The following CSF3 variants were observed in gnomAD, a reference collection of about 807,000 sequenced individuals.
CSF3 encodes the protein granulocyte colony-stimulating factor.
A neutral mutation model predicts 20.2 loss-of-function variants in CSF3; 17 were observed. The ratio of observed to expected loss-of-function variants is 0.84; its 90% CI spans 0.58 to 1.26. The LOEUF (loss-of-function observed/expected upper bound fraction) is 1.26, where lower values mean the gene tolerates loss of function less well. Among genes scored for constraint, CSF3 ranks in the 50% most tolerant of loss-of-function variants. The pLI is 0.00. For synonymous variants in CSF3, 125 were observed against 115.3 expected (o/e 1.08, Z -0.54); for missense variants, 210 against 256.0 (o/e 0.82, Z 1.23).
chr17:40,016,146 G>T, intron 2 of CSF3, 87 bp from the exon 3 acceptor site: 1 of 1,065,182 alleles, frequency 9.4e-7, no homozygotes, highest in African/African-American at 1.6e-5. Context: ...CATGGAGGGA[G>T]GGGAAAGACC....
rs572151267 is a variant in CSF3, at chr17:40,015,544, C to A, written c.40+30C>A. ...GTGTCTTGGCCCAGGATGGGAGAGC[C>A]GCCTGCCCTGGCATGGGAGGGAGGC... On this transcript the variant is annotated intron_variant, in intron 1 of 4. Coordinates refer to ENST00000394149, the MANE Select transcript of CSF3 (RefSeq NM_172219.3). 1.4e-4 allele frequency: 210 copies of A among 1,550,718 alleles called. No homozygotes were observed. In the South Asian group the frequency reaches 2.4e-3, roughly 18 times the overall value.
rs1310508252 is a variant in CSF3 at position 40,015,762 on chromosome 17, T to C, written c.112T>C (p.Ser38Pro). ...QEATPLGPAS[S>P]LPQSFLLKCL... ...AGCCACCCCCCTGGGCCCTGCCAGC[T>C]CCCTGCCCCAGAGCTTCCTGCTCAA... Residue 38 changes from serine (S) to proline (P), a missense_variant, in exon 2 of 5, where the codon TCC (serine) becomes CCC (proline). Physicochemically the swap from Ser to Pro is moderately conservative, Grantham distance 74. Coordinates refer to ENST00000394149, the MANE Select transcript of CSF3 (RefSeq NM_172219.3). 3 of 1,605,470 alleles carry C rather than the reference T, an allele frequency of 1.9e-6. No individual in the cohort carries two copies.
intron 4 of CSF3, 72 bp downstream of exon 4, chr17:40,016,703 G>A: frequency 6.3e-7 from 1 of 1,581,758 alleles, no homozygotes; most frequent in African/African-American, 1.5e-5. Flanking sequence ...CTGTGTATGG[G>A]CCCTGTCCAT....
chr17:40,015,534 A>T lies in CSF3; in HGVS notation c.40+20A>T, dbSNP rs1194433290. 5.2e-6 allele frequency: 8 copies of T among 1,550,748 alleles called. No homozygotes were observed. Among genetic ancestry groups the T allele is most frequent in the Non-Finnish European group, 7.0e-6 (8 of 1,146,960 alleles). ...TGATGGGTGAGTGTCTTGGCCCAGGATGGGAGAGCCGCCTGCCCTGGCATG... is the reference window on the plus strand; with the variant it reads ...TGATGGGTGAGTGTCTTGGCCCAGGTTGGGAGAGCCGCCTGCCCTGGCATG... On this transcript the variant is annotated intron_variant, in intron 1 of 4. Coordinates refer to ENST00000394149, the MANE Select transcript of CSF3 (RefSeq NM_172219.3).
In CSF3 at chr17:40,015,809, G is replaced by A; in HGVS notation, c.159G>A (p.Lys53=). The A allele has an allele frequency of 1.2e-6, 2 of 1,611,252 alleles. No individual in the cohort carries two copies. Among genetic ancestry groups the A allele is most frequent in the East Asian group, 2.2e-5 (1 of 44,778 alleles). ...TCAAGTGCTTAGAGCAAGTGAGGAAGATCCAGGGCGATGGCGCAGCGCTCC... is the reference window on the plus strand; with the variant it reads ...TCAAGTGCTTAGAGCAAGTGAGGAAAATCCAGGGCGATGGCGCAGCGCTCC... The part of the protein sequence containing the change: ...FLLKCLEQVR[K]IQGDGAALQE... The change falls in exon 2 of 5, where the codon AAG becomes AAA. Residue 53 remains lysine (K), a synonymous_variant. Transcript: ENST00000394149.
chr17:40,017,348 T>G lies in CSF3; in HGVS notation c.*389T>G. 6.4e-6 allele frequency: 1 copy of G among 155,860 alleles called. No individual in the cohort carries two copies. Among genetic ancestry groups the G allele is most frequent in the Non-Finnish European group, 1.4e-5 (1 of 70,224 alleles). 9.7% of individuals were successfully genotyped at this position (155,860 alleles called of 1,614,324 possible). Reference sequence around the variant, plus strand: ...ACAGCAGTGTTCCCCATCTGGGTCCTTGCACCCCTCACTCTGGCCTCAGCC... The same window carrying G: ...ACAGCAGTGTTCCCCATCTGGGTCCGTGCACCCCTCACTCTGGCCTCAGCC... On this transcript the variant is annotated 3_prime_UTR_variant, in exon 5 of 5. Transcript: ENST00000394149.
At position 40,015,442 on chromosome 17, in the gene CSF3, C is replaced by T. The variant is rs1196452605; in HGVS notation, c.-33C>T. 1 of 1,547,194 alleles carries T rather than the reference C, an allele frequency of 6.5e-7. No individual in the cohort carries two copies. Among genetic ancestry groups the T allele is most frequent in the Non-Finnish European group, 8.7e-7 (1 of 1,145,116 alleles). ...CCCCTAGAGCTGGGCCCCAAAACAG[C>T]CCGGAGCCTGCAGCCCAGCCCCACC... On this transcript the variant is annotated 5_prime_UTR_variant, in exon 1 of 5. Coordinates refer to ENST00000394149, the MANE Select transcript of CSF3 (RefSeq NM_172219.3).
At position 40,017,177 on chromosome 17, in the gene CSF3, T is replaced by C; in HGVS notation, c.*218T>C. ...AGATAGGTAAATACCAAGTATTTAT[T>C]ACTATGACTGCTCCCCAGCCCTGGC... On this transcript the variant is annotated 3_prime_UTR_variant, in exon 5 of 5. Coordinates refer to ENST00000394149, the MANE Select transcript of CSF3 (RefSeq NM_172219.3). 2.2e-6 allele frequency: 1 copy of C among 459,744 alleles called. No individual in the cohort carries two copies. The allele number at this position is 459,744 out of a possible 1,614,324, so 28.5% of individuals were successfully genotyped here.
Position 40,015,710 on chromosome 17 carries a change from G to A in CSF3, c.60G>A (p.Trp20Ter). Residue 20 changes from tryptophan (W) to a stop codon, truncating the protein, a stop_gained, in exon 2 of 5, where the codon TGG becomes TGA. Coordinates refer to ENST00000394149, the MANE Select transcript of CSF3 (RefSeq NM_172219.3). LOFTEE classifies it high-confidence loss of function. ...MKLMALQLLL[W>*]HSALWTVQEA... ...CCCCAGCCCTGCAGCTGCTGCTGTG[G>A]CACAGTGCACTCTGGACAGTGCAGG... 1 of 1,588,570 alleles carries A rather than the reference G, an allele frequency of 6.3e-7. No individual in the cohort carries two copies. Among genetic ancestry groups the A allele is most frequent in the African/African-American group, 1.3e-5 (1 of 74,588 alleles).
At position 40,016,660 on chromosome 17, in the gene CSF3, G is replaced by T. The variant is rs763928631; in HGVS notation, c.450+29G>T. On this transcript the variant is annotated intron_variant, in intron 4 of 4. Transcript: ENST00000394149. The stretch of plus-strand genomic sequence containing the variant: ...AGCCTTGTTGGGCAGGGTGGCCAAG[G>T]TCGTGCTGGCATTCTGGGCACCACA... 3 of 1,613,500 alleles carry T rather than the reference G, an allele frequency of 1.9e-6. No individual in the cohort carries two copies. In the South Asian group the frequency reaches 3.3e-5, roughly 18 times the overall value.
Position 40,017,137 on chromosome 17 carries a change from C to T in CSF3, c.*178C>T. The T allele has an allele frequency of 1.7e-6, 1 of 579,646 alleles. No individual in the cohort carries two copies. The highest frequency in any genetic ancestry group is 3.6e-5 in the Admixed American group (1 of 27,516). The allele number at this position is 579,646 out of a possible 1,614,324, so 35.9% of individuals were successfully genotyped here. The stretch of plus-strand genomic sequence containing the variant: ...AGAAAAAGCTCCTGTCCTCCCATCC[C>T]CTGGACTGGGAGGTAGATAGGTAAA... On this transcript the variant is annotated 3_prime_UTR_variant, in exon 5 of 5. Transcript: ENST00000394149.
At position 40,016,866 on chromosome 17, in the gene CSF3, C is replaced by T; in HGVS notation, c.522C>T (p.Phe174=). The change falls in exon 5 of 5, where the codon TTC becomes TTT. Residue 174 remains phenylalanine, a synonymous_variant. Coordinates refer to ENST00000394149, the MANE Select transcript of CSF3 (RefSeq NM_172219.3). ...CCATGCCGGCCTTCGCCTCTGCTTT[C>T]CAGCGCCGGGCAGGAGGGGTCCTGG... ...QGAMPAFASA[F]QRRAGGVLVA... The T allele has an allele frequency of 1.2e-6, 2 of 1,613,462 alleles. No homozygotes were observed. The highest frequency in any genetic ancestry group is 4.5e-5 in the East Asian group (2 of 44,888).
intron 3 of CSF3, 70 bp downstream of exon 3, chr17:40,016,410 A>T: frequency 6.2e-7 from 1 of 1,606,432 alleles, no homozygotes; most frequent in Non-Finnish European, 8.5e-7. Flanking sequence ...GGGCTCCCCC[A>T]TGTCTCCAGG....
intron 2 of CSF3, 96 bp from the exon 3 acceptor site, chr17:40,016,137 A>T (rs979586309): frequency 2.0e-6 from 2 of 1,000,602 alleles, no homozygotes; most frequent in East Asian, 5.3e-5. Context: ...CTGGCAGGAC[A>T]TGGAGGGAGG....
At chr17:40,016,185 C>A in intron 2 of CSF3, 48 bp from the exon 3 acceptor site, 13 of 1,404,176 alleles carry the variant, frequency 9.3e-6, no homozygotes, top group Non-Finnish European at 1.3e-5. Flanking sequence ...CGGGAAGGAG[C>A]GGCGACCCGG....
chr17:40,016,302 G>C lies in CSF3; in HGVS notation c.265G>C (p.Ala89Pro). ...CGGACACTCTCTGGGCATCCCCTGG[G>C]CTCCCCTGAGCAGCTGCCCCAGCCA... ...LLGHSLGIPW[A>P]PLSSCPSQAL... Residue 89 changes from alanine to proline, a missense_variant, in exon 3 of 5, where the codon GCT (alanine) becomes CCT (proline). By Grantham distance (27) the Ala-to-Pro change is conservative (BLOSUM62 -1). Transcript: ENST00000394149. 1 of 1,606,930 alleles carries C rather than the reference G, an allele frequency of 6.2e-7. No individual in the cohort carries two copies. Among genetic ancestry groups the C allele is most frequent in the African/African-American group, 1.3e-5 (1 of 74,804 alleles).
intron 2 of CSF3, 47 bp from the exon 3 acceptor site, chr17:40,016,186 G>A (rs1410787540): frequency 6.3e-6 from 9 of 1,419,260 alleles, no homozygotes; most frequent in Middle Eastern, 5.0e-4. Context: ...GGGAAGGAGC[G>A]GCGACCCGGC....
In CSF3 at chr17:40,015,684, T is replaced by A. The variant is rs750639805; in HGVS notation, c.41-7T>A. 1 of 1,576,526 alleles carries A rather than the reference T, an allele frequency of 6.3e-7. No homozygotes were observed. Among genetic ancestry groups the A allele is most frequent in the Admixed American group, 1.8e-5 (1 of 56,346 alleles). On this transcript the variant is annotated splice_polypyrimidine_tract_variant and splice_region_variant and intron_variant, in intron 1 of 4. Transcript: ENST00000394149. ...CAGCATGTCTCCTGAGCCCGCTCTG[T>A]CCCCAGCCCTGCAGCTGCTGCTGTG...
At chr17:40,015,905 T>C in intron 2 of CSF3, 60 bp downstream of exon 2, 3 of 1,544,206 alleles carry the variant, frequency 1.9e-6, no homozygotes, top group Non-Finnish European at 2.6e-6. Flanking sequence ...CTAAGGGGGA[T>C]GGAACTGCAG....
Sources: allele counts gnomAD v4.1 joint callset, GRCh38; gene constraint gnomAD v4.1.1; transcripts MANE v1.5; gene names NCBI Gene and HGNC (gene_info 2026-07-23, HGNC 2026-07-21).